Variants in KLHL26 observed in about 807,000 individuals in gnomAD.
The protein encoded by KLHL26 is kelch-like protein 26.
In KLHL26, 4 loss-of-function variants were observed where a neutral mutation model predicts 7.1. The observed-to-expected ratio is 0.56, with a 90% CI of 0.28 to 1.28. The LOEUF (loss-of-function observed/expected upper bound fraction) is 1.28, where lower values mean the gene tolerates loss of function less well. Ranked by LOEUF, KLHL26 falls within the 50% of genes most tolerant of loss-of-function variation. The pLI is 0.11. For missense variants in KLHL26, 896 were observed against 924.6 expected, an observed-to-expected ratio of 0.97 and a Z score of 0.40; for synonymous variants, 465 against 414.1, an observed-to-expected ratio of 1.12 and a Z score of -1.49.
chr19:18,641,679 A>G (rs1976715298), intron 1 of KLHL26, among the ~76,000 whole-genome samples: 2 of 143,532 alleles, frequency 1.4e-5, no homozygotes, highest in South Asian at 4.4e-4. Flanking sequence ...CCCAGGCTAG[A>G]GTGCAGTGGC....
Position 18,664,406 on chromosome 19 carries a change from C to T in KLHL26, c.229C>T (p.His77Tyr). Residue 77 changes from histidine (H) to tyrosine (Y), a missense_variant, in exon 2 of 3, where the codon CAC becomes TAC. Physicochemically the swap from His to Tyr is moderately conservative, Grantham distance 83 (BLOSUM62 2). Transcript: ENST00000300976. ...LTINREAFPA[H>Y]KVVLAACSDY... ...TATTAACAGAGAGGCCTTTCCTGCA[C>T]ACAAGGTCGTCCTGGCTGCCTGCAG... The T allele has an allele frequency of 2.5e-6, 4 of 1,600,672 alleles. No homozygotes were observed. The highest frequency in any genetic ancestry group is 3.4e-6 in the Non-Finnish European group (4 of 1,174,052).
Position 18,668,861 on chromosome 19 carries a change from G to A in KLHL26, c.1464G>A (p.Trp488Ter). ...GCTACGACCCCGTGGCCGACCAGTG[G>A]GAGTTCAAGGCGCCCATGAGCGAAC... ...LHCYDPVADQ[W>*]EFKAPMSEPR... The change falls in exon 3 of 3, where the codon TGG becomes TGA. Residue 488 changes from tryptophan to a stop codon, truncating the protein, a stop_gained. Transcript: ENST00000300976. LOFTEE classifies it low-confidence loss of function (END_TRUNC). The A allele has an allele frequency of 1.3e-6, 2 of 1,593,616 alleles. No homozygotes were observed. Among genetic ancestry groups the A allele is most frequent in the East Asian group, 2.2e-5 (1 of 44,728 alleles).
intron 1 of KLHL26, among the ~76,000 whole-genome samples, chr19:18,653,454 A>G: frequency 9.1e-6 from 1 of 109,894 alleles, no homozygotes; most frequent in Non-Finnish European, 1.9e-5. Flanking sequence ...CCACCCACCC[A>G]TCCACCTGCC....
At position 18,668,405 on chromosome 19, in the gene KLHL26, G is replaced by A. The variant is rs747938626; in HGVS notation, c.1008G>A (p.Pro336=). ...GCAAGGTCTACCAGCTGCCTGAGCC[G>A]GGAGCCCGCCACTTCCGCGAGCTCA... The part of the protein sequence containing the change: ...VSSKVYQLPE[P]GARHFRELTE... Residue 336 remains proline (P), a synonymous_variant, in exon 3 of 3, where the codon CCG becomes CCA. Coordinates refer to ENST00000300976, the MANE Select transcript of KLHL26 (RefSeq NM_018316.3). 6 of 1,606,952 alleles carry A rather than the reference G, an allele frequency of 3.7e-6. No homozygotes were observed. The highest frequency in any genetic ancestry group is 1.1e-5 in the South Asian group (1 of 90,832).
rs767655918 is a variant in KLHL26, at chr19:18,668,591, C to T, written c.1194C>T (p.Ala398=). Residue 398 remains alanine, a synonymous_variant, in exon 3 of 3, where the codon GCC becomes GCT. Transcript: ENST00000300976. ...PHLNRWLRLQ[A]MQESRIQFQL... ...TGAATCGCTGGCTGCGCCTGCAGGC[C>T]ATGCAGGAAAGCCGCATCCAGTTCC... The T allele has an allele frequency of 8.2e-6, 13 of 1,590,216 alleles. No individual in the cohort carries two copies. The highest frequency in any genetic ancestry group is 3.4e-5 in the Admixed American group (2 of 59,008).
intron 1 of KLHL26, among the ~76,000 whole-genome samples, chr19:18,655,156 T>TTCA (rs1315632142): frequency 6.6e-6 from 1 of 152,182 alleles, no homozygotes; most frequent in African/African-American, 2.4e-5. Context: ...GCACCGCCCC[T>TTCA]TCATCTGTAG....
At chr19:18,642,338 A>AGTATGTGTGTGT (rs1362401503) in intron 1 of KLHL26, among the ~76,000 whole-genome samples, 36 of 123,886 alleles carry the variant, frequency 2.9e-4, no homozygotes, top group African/African-American at 1.1e-3. Flanking sequence ...CTAGTCACCT[A>AGTATGTGTGTGT]GTGTGTGTGT....
intron 2 of KLHL26, chr19:18,667,324 T>G (rs568490067): frequency 2.6e-6 from 1 of 380,464 alleles, no homozygotes; most frequent in Non-Finnish European, 5.0e-6. Flanking sequence ...CGTGAGCCAC[T>G]GTGCCTGGCC....
In KLHL26 at chr19:18,668,841, G is replaced by T; in HGVS notation, c.1444G>T (p.Asp482Tyr). Residue 482 changes from aspartate (D) to tyrosine (Y), a missense_variant, in exon 3 of 3, where the codon GAC (aspartate) becomes TAC (tyrosine). By Grantham distance (160) the Asp-to-Tyr change is radical. Transcript: ENST00000300976. The part of the protein sequence containing the change: ...VEDKKALHCY[D>Y]PVADQWEFKA... ...GGACAAGAAGGCCCTGCACTGCTAC[G>T]ACCCCGTGGCCGACCAGTGGGAGTT... The T allele has an allele frequency of 6.3e-7, 1 of 1,593,268 alleles. No individual in the cohort carries two copies. Among genetic ancestry groups the T allele is most frequent in the South Asian group, 1.1e-5 (1 of 90,402 alleles).
intron 2 of KLHL26, among the ~76,000 whole-genome samples, chr19:18,666,935 A>G (rs2052453708): frequency 6.6e-6 from 1 of 152,172 alleles, no homozygotes; most frequent in African/African-American, 2.4e-5. Flanking sequence ...CCAGAGCCAC[A>G]GGGTGTGTTC....
At chr19:18,654,364 A>C (rs2052303739) in intron 1 of KLHL26, among the ~76,000 whole-genome samples, 1 of 130,338 alleles carries the variant, frequency 7.7e-6, no homozygotes, top group Non-Finnish European at 1.6e-5. Flanking sequence ...CTGCCCACTC[A>C]TCCACCATCT....
At chr19:18,654,388 C>CCAT (rs1272203667) in intron 1 of KLHL26, among the ~76,000 whole-genome samples, 26 of 150,376 alleles carry the variant, frequency 1.7e-4, no homozygotes, top group Non-Finnish European at 3.3e-4. Context: ...CACCCATCCA[C>CCAT]CTGCCCGTCC....
chr19:18,665,230 G>A (rs2052435959), intron 2 of KLHL26, among the ~76,000 whole-genome samples: 1 of 151,696 alleles, frequency 6.6e-6, no homozygotes, highest in South Asian at 2.1e-4. Context: ...CTAATTTTTT[G>A]TATTTTTAGT....
chr19:18,655,839 A>C (rs1052835907), intron 1 of KLHL26, among the ~76,000 whole-genome samples: 6 of 133,432 alleles, frequency 4.5e-5, no homozygotes, highest in Non-Finnish European at 1.0e-4. Context: ...GGCGCTGTGC[A>C]TAATGTCTTC....
Position 18,650,721 on chromosome 19 carries a change from A to G in KLHL26, c.84-13540A>G, listed in dbSNP as rs934221008. 6.6e-6 allele frequency among the ~76,000 whole-genome samples: 1 copy of G among 152,196 alleles called. No individual in the cohort carries two copies. Among genetic ancestry groups the G allele is most frequent in the African/African-American group, 2.4e-5 (1 of 41,450 alleles). ...TCACGCCTCCAGTCTGTTAGCATTTAGAGTTGCTGAACTTTCGCATTGGTC... is the reference window on the plus strand; with the variant it reads ...TCACGCCTCCAGTCTGTTAGCATTTGGAGTTGCTGAACTTTCGCATTGGTC... On this transcript the variant is annotated intron_variant, in intron 1 of 2. Transcript: ENST00000300976. This position sits in a 1 kb window ranked among gnomAD's most constrained non-coding sequence, Gnocchi z 4.2.
Position 18,656,364 on chromosome 19 carries a change from C to A in KLHL26, c.84-7897C>A, listed in dbSNP as rs1390946018. Among the ~76,000 whole-genome samples the A allele has an allele frequency of 6.6e-6, 1 of 152,086 alleles. No individual in the cohort carries two copies. The highest frequency in any genetic ancestry group is 1.5e-5 in the Non-Finnish European group (1 of 68,024). Reference sequence around the variant, plus strand: ...TTCCGAAACCTGCCTGCCTGCCCTCCCTGAACTCCCGGTGTGACTTGGGCA... The same window carrying A: ...TTCCGAAACCTGCCTGCCTGCCCTCACTGAACTCCCGGTGTGACTTGGGCA... On this transcript the variant is annotated intron_variant, in intron 1 of 2. Coordinates refer to ENST00000300976, the MANE Select transcript of KLHL26 (RefSeq NM_018316.3). The surrounding 1 kb of genome is among the most constrained non-coding windows in gnomAD (Gnocchi z 4.4).
chr19:18,658,499 C>G lies in KLHL26; in HGVS notation c.84-5762C>G, dbSNP rs1193396821. Reference sequence around the variant, plus strand: ...TCCTTGTCTCTCTGGGTCTCTGTCTCCCTGTCTCTGGGTCTCTGTCTCTCC... The same window carrying G: ...TCCTTGTCTCTCTGGGTCTCTGTCTGCCTGTCTCTGGGTCTCTGTCTCTCC... On this transcript the variant is annotated intron_variant, in intron 1 of 2. Transcript: ENST00000300976. Among the ~76,000 whole-genome samples the G allele has an allele frequency of 2.0e-5, 3 of 151,942 alleles. No homozygotes were observed. The East Asian group carries it at 5.9e-4, about 30-fold the overall frequency.
intron 2 of KLHL26, among the ~76,000 whole-genome samples, chr19:18,666,438 A>G (rs1351648945): frequency 6.6e-6 from 1 of 152,192 alleles, no homozygotes; most frequent in Admixed American, 6.5e-5. Context: ...GCCTCCTGGA[A>G]GGAACCGCCC....
intron 1 of KLHL26, among the ~76,000 whole-genome samples, chr19:18,655,821 G>A (rs560589558): frequency 4.6e-4 from 59 of 127,810 alleles, no homozygotes; most frequent in African/African-American, 1.7e-3. Context: ...TGGCAAGTCC[G>A]GGATGGGGGC....
Sources: allele counts gnomAD v4.1 joint callset (sites outside exome capture counted in the v4.1 genomes callset), GRCh38; gene constraint gnomAD v4.1.1; non-coding constraint Gnocchi (gnomAD v3.1); transcripts MANE v1.5; gene names NCBI Gene and HGNC (gene_info 2026-07-23, HGNC 2026-07-21).